The following PYROXD1 variants were observed in gnomAD, a reference collection of about 807,000 sequenced individuals.
PYROXD1 encodes the protein tRNA ligase complex-associated NAD(P)H dehydrogenase PYROXD1.
A neutral mutation model predicts 62.0 loss-of-function variants in PYROXD1; 42 were observed. The ratio of observed to expected loss-of-function variants is 0.68; its 90% CI spans 0.53 to 0.88. The LOEUF (loss-of-function observed/expected upper bound fraction) is 0.88. Ranked by LOEUF, PYROXD1 falls within the 40% of genes least tolerant of loss-of-function variation. The probability of loss-of-function intolerance (pLI) is 0.00; values close to 1 mark genes in which losing one functional copy is unlikely to be tolerated. For missense variants in PYROXD1, 493 were observed against 604.8 expected (o/e 0.82, Z 1.94); for synonymous variants, 170 against 206.4 (o/e 0.82, Z 1.51).
At position 21,468,498 on chromosome 12, in the gene PYROXD1, A is replaced by G. The variant is rs562879580; in HGVS notation, c.1255-8A>G. 6.8e-6 allele frequency: 11 copies of G among 1,607,774 alleles called. No homozygotes were observed. The East Asian group carries it at 2.2e-4, about 33-fold the overall frequency. The stretch of plus-strand genomic sequence containing the variant: ...TCATGACAATAACCTTTTTATCTCT[A>G]AATATAGGTTGTACTGCTGGGAAAA... On this transcript the variant is annotated splice_region_variant and splice_polypyrimidine_tract_variant and intron_variant, in intron 11 of 11. Coordinates refer to ENST00000240651, the MANE Select transcript of PYROXD1 (RefSeq NM_024854.5).
intron 10 of PYROXD1, among the ~76,000 whole-genome samples, chr12:21,464,219 G>A (rs894752789): frequency 3.3e-5 from 5 of 151,026 alleles, no homozygotes; most frequent in East Asian, 2.0e-4. Flanking sequence ...GAAAAAATCC[G>A]AAAATAAACA....
intron 1 of PYROXD1, among the ~76,000 whole-genome samples, chr12:21,438,722 T>C (rs974662824): frequency 5.9e-5 from 9 of 152,218 alleles, no homozygotes; most frequent in Non-Finnish European, 1.3e-4. Context: ...ATTTTGTTGA[T>C]ATAAAGTAAA....
At chr12:21,449,471 CT>C in intron 3 of PYROXD1, 91 bp from the exon 4 acceptor site, 1 of 1,266,328 alleles carries the variant, frequency 7.9e-7, no homozygotes, top group East Asian at 2.5e-5. Flanking sequence ...TTATGTTTTG[CT>C]TTTGCCTTAT....
At position 21,469,960 on chromosome 12, in the gene PYROXD1, AG is replaced by A; in HGVS notation, c.*1209del. ...TTATTCTCAAATATTTTACATTTAA[AG>A]GGTTTTACATAAAAATTTTTCCCTT... On this transcript the variant is annotated 3_prime_UTR_variant, in exon 12 of 12. Coordinates refer to ENST00000240651, the MANE Select transcript of PYROXD1 (RefSeq NM_024854.5). 2.3e-6 allele frequency: 1 copy of A among 431,666 alleles called. No individual in the cohort carries two copies. The highest frequency in any genetic ancestry group is 4.2e-5 in the Admixed American group (1 of 23,864). The allele number at this position is 431,666 out of a possible 1,614,324, so 26.7% of individuals were successfully genotyped here. A position where few individuals can be genotyped will look rare whatever the true frequency, so the allele number is the denominator to read the frequency against.
At position 21,445,446 on chromosome 12, in the gene PYROXD1, C is replaced by A; in HGVS notation, c.265C>A (p.Gln89Lys). 6.2e-7 allele frequency: 1 copy of A among 1,602,808 alleles called. No homozygotes were observed. The highest frequency in any genetic ancestry group is 8.5e-7 in the Non-Finnish European group (1 of 1,176,870). ...TAAGGTTATAGAATCTGGCGTAAAG[C>A]AACTGAAGAGTGAAGAACACGTAAG... ...NIKVIESGVK[Q>K]LKSEEHCIVT... Residue 89 changes from glutamine to lysine, a missense_variant, in exon 3 of 12, where the codon CAA becomes AAA. Coordinates refer to ENST00000240651, the MANE Select transcript of PYROXD1 (RefSeq NM_024854.5).
At chr12:21,445,094 C>T (rs758958335) in intron 2 of PYROXD1, among the ~76,000 whole-genome samples, 2 of 152,170 alleles carry the variant, frequency 1.3e-5, no homozygotes, top group Non-Finnish European at 1.5e-5. Context: ...CCTCATTTTA[C>T]AGGTCAGCTC....
At chr12:21,437,870 C>T (rs915759260) in intron 1 of PYROXD1, 56 bp downstream of exon 1, 8 of 1,464,344 alleles carry the variant, frequency 5.5e-6, no homozygotes, top group East Asian at 2.4e-5. Flanking sequence ...GGGGATAGCA[C>T]TGGAGGCCTT....
At chr12:21,457,667 T>TA in intron 7 of PYROXD1, among the ~76,000 whole-genome samples, 1 of 152,000 alleles carries the variant, frequency 6.6e-6, no homozygotes, top group Non-Finnish European at 1.5e-5. Context: ...GAAGGGGAAT[T>TA]ATGCACTTCT....
intron 10 of PYROXD1, among the ~76,000 whole-genome samples, chr12:21,463,564 C>T (rs897605949): frequency 6.6e-6 from 1 of 151,858 alleles, no homozygotes; most frequent in Non-Finnish European, 1.5e-5. Context: ...TGATGGTGTG[C>T]GTCTGTAATC....
chr12:21,451,034 A>G (rs374187733), intron 4 of PYROXD1, among the ~76,000 whole-genome samples: 210 of 152,286 alleles, frequency 1.4e-3, no homozygotes, highest in Non-Finnish European at 2.2e-3. Context: ...AATATCCTCA[A>G]TGAAGGACAA....
rs756853003 is a variant in PYROXD1, at chr12:21,455,946, A to G, written c.650-49A>G. ...AAATAAAAAACTTCAGAACACTAACATATTTCTCTATCTGGTAATTTTTAT... is the reference window on the plus strand; with the variant it reads ...AAATAAAAAACTTCAGAACACTAACGTATTTCTCTATCTGGTAATTTTTAT... On this transcript the variant is annotated intron_variant, in intron 6 of 11. Transcript: ENST00000240651. 16 of 1,235,374 alleles carry G rather than the reference A, an allele frequency of 1.3e-5. 1 individual carries two copies. Among genetic ancestry groups the G allele is most frequent in the East Asian group, 4.9e-5 (2 of 40,558 alleles). The allele number at this position is 1,235,374 out of a possible 1,614,324, so 76.5% of individuals were successfully genotyped here.
chr12:21,444,449 A>G (rs1166410699), intron 2 of PYROXD1, among the ~76,000 whole-genome samples: 2 of 152,176 alleles, frequency 1.3e-5, no homozygotes, highest in Non-Finnish European at 2.9e-5. Flanking sequence ...AGACTTTAAC[A>G]TTTACTCTGT....
chr12:21,466,725 A>G (rs1176885346), intron 10 of PYROXD1, among the ~76,000 whole-genome samples: 2 of 152,160 alleles, frequency 1.3e-5, no homozygotes, highest in Non-Finnish European at 2.9e-5. Context: ...GAGAGAGGGC[A>G]TCCCTGTCTT....
At chr12:21,446,134 T>C (rs997141441) in intron 3 of PYROXD1, among the ~76,000 whole-genome samples, 2 of 152,142 alleles carry the variant, frequency 1.3e-5, no homozygotes, top group Non-Finnish European at 2.9e-5. Context: ...CTATAAGAAG[T>C]TGAGTTTGGG....
At chr12:21,446,805 C>G (rs1195634164) in intron 3 of PYROXD1, among the ~76,000 whole-genome samples, 1 of 152,040 alleles carries the variant, frequency 6.6e-6, no homozygotes, top group Admixed American at 6.5e-5. Flanking sequence ...GTCCCAGCTA[C>G]TTTGGTGACT....
At chr12:21,447,918 G>C (rs1228555723) in intron 3 of PYROXD1, 6 of 219,298 alleles carry the variant, frequency 2.7e-5, no homozygotes, top group African/African-American at 1.4e-4. Flanking sequence ...GAACCCGGGA[G>C]ATTGCAGTGA....
rs1591957833 is a variant in PYROXD1, at chr12:21,465,240, G to A, written c.1117-2241G>A. Among the ~76,000 whole-genome samples, 6 of 152,204 alleles carry A rather than the reference G, an allele frequency of 3.9e-5. No homozygotes were observed. The South Asian group carries it at 1.0e-3, about 26-fold the overall frequency. On this transcript the variant is annotated intron_variant, in intron 10 of 11. Transcript: ENST00000240651. The stretch of plus-strand genomic sequence containing the variant: ...TCTAGTTCTAGATCCCTGAGGAATC[G>A]CCACACCAACTTCCACAATGGTTGA...
chr12:21,458,715 A>G (rs1340637205), intron 7 of PYROXD1, among the ~76,000 whole-genome samples: 3 of 152,200 alleles, frequency 2.0e-5, no homozygotes, highest in Non-Finnish European at 2.9e-5. Flanking sequence ...ACATAGGACA[A>G]CAGCTGGTTG....
In PYROXD1 at chr12:21,438,122, C is replaced by T. The variant is rs934568211; in HGVS notation, c.84+308C>T. 4 of 356,094 alleles carry T rather than the reference C, an allele frequency of 1.1e-5. No individual in the cohort carries two copies. The Admixed American group carries it at 1.8e-4, about 16-fold the overall frequency. 22.1% of individuals were successfully genotyped at this position (356,094 alleles called of 1,614,324 possible). A position where few individuals can be genotyped will look rare whatever the true frequency, so the allele number is the denominator to read the frequency against. On this transcript the variant is annotated intron_variant, in intron 1 of 11. Transcript: ENST00000240651. ...GGACTTTGTATTTAGACAAAAAATT[C>T]AGCCCCCTTTCTTTTTATTTTTTTT...
Sources: gnomAD v4.1 joint callset for allele counts (sites outside exome capture counted in the v4.1 genomes callset) on GRCh38, gnomAD v4.1.1 for gene constraint, MANE v1.5 for transcripts, NCBI Gene and HGNC (gene_info 2026-07-23, HGNC 2026-07-21) for gene names.